The following GPR26 variants were observed in gnomAD, a reference collection of about 807,000 sequenced individuals.
The protein encoded by GPR26 is G protein-coupled receptor 26.
Under a neutral mutation model 23.1 loss-of-function variants are expected in GPR26, and 15 were observed. The ratio of observed to expected loss-of-function variants is 0.65; its 90% CI spans 0.43 to 1.00. GPR26 has a LOEUF of 1.00. Among genes scored for constraint, GPR26 ranks in the 50% least tolerant of loss-of-function variants. The pLI is 0.00. For synonymous variants in GPR26, 228 were observed against 222.1 expected (o/e 1.03, Z -0.24); for missense variants, 359 against 470.5 (o/e 0.76, Z 2.19).
At chr10:123,669,435 C>T (rs975479957) in intron 1 of GPR26, among the ~76,000 whole-genome samples, 1 of 152,208 alleles carries the variant, frequency 6.6e-6, no homozygotes, top group African/African-American at 2.4e-5. Flanking sequence ...AGAGCTAGCT[C>T]AGGGGCTGCC....
rs953679854 is a variant in GPR26 at position 123,688,218 on chromosome 10, A to G, written c.*58A>G. 4 of 467,006 alleles carry G rather than the reference A, an allele frequency of 8.6e-6. No homozygotes were observed. Among genetic ancestry groups the G allele is most frequent in the Admixed American group, 4.5e-5 (2 of 44,866 alleles). The allele number at this position is 467,006 out of a possible 1,614,324, so 28.9% of individuals were successfully genotyped here. A position where few individuals can be genotyped will look rare whatever the true frequency, so the allele number is the denominator to read the frequency against. On this transcript the variant is annotated 3_prime_UTR_variant, in exon 3 of 3. Transcript: ENST00000284674. ...AGGCAGCGGTGAGAAGAAGGGTGGG[A>G]GGGCGTGGGGGCCCCTGGGTGGACA...
chr10:123,679,181 G>A (rs1039554817), intron 2 of GPR26, among the ~76,000 whole-genome samples: 1 of 152,206 alleles, frequency 6.6e-6, no homozygotes, highest in Non-Finnish European at 1.5e-5. Flanking sequence ...CCCTTGTGGA[G>A]AATCAAAAGC....
intron 2 of GPR26, among the ~76,000 whole-genome samples, chr10:123,676,046 C>A (rs1845306856): frequency 6.6e-6 from 1 of 152,160 alleles, no homozygotes; most frequent in Non-Finnish European, 1.5e-5. Context: ...TCAGCTGAAG[C>A]ATGATTTGCT....
chr10:123,688,499 A>G lies in GPR26; in HGVS notation c.*339A>G, dbSNP rs1845455277. 3 of 327,926 alleles carry G rather than the reference A, an allele frequency of 9.1e-6. No individual in the cohort carries two copies. The highest frequency in any genetic ancestry group is 1.7e-5 in the Non-Finnish European group (3 of 171,892). The allele number at this position is 327,926 out of a possible 1,614,324, so 20.3% of individuals were successfully genotyped here. On this transcript the variant is annotated 3_prime_UTR_variant, in exon 3 of 3. Transcript: ENST00000284674. ...TGCAGAGAGCTGGTGGTAGGTGGGA[A>G]GCATGGTGTCCACCTGCCTGCTGAC...
chr10:123,674,849 CG>C lies in GPR26; in HGVS notation c.702del (p.Arg235GlyfsTer13). 2 of 1,613,228 alleles carry C rather than the reference CG, an allele frequency of 1.2e-6. No homozygotes were observed. The highest frequency in any genetic ancestry group is 1.7e-6 in the Non-Finnish European group (2 of 1,179,694). On this transcript the variant is annotated frameshift_variant, in exon 2 of 3. Transcript: ENST00000284674. LOFTEE classifies it high-confidence loss of function. This position sits in a 1 kb window ranked among gnomAD's most constrained non-coding sequence, Gnocchi z 4.1. ...GGAACGCTGTCTGGAGGAGCAGAAG[CG>C]GAGGCGACAGCGAGCCACCAAGAAG... ...VRERCLEEQKRRRQRATKKIS... is the reference protein window; with the variant it reads ...VRERCLEEQKXRRQRATKKIS...
intron 2 of GPR26, among the ~76,000 whole-genome samples, chr10:123,678,953 G>A (rs1008458063): frequency 1.3e-5 from 2 of 152,208 alleles, no homozygotes; most frequent in African/African-American, 4.8e-5. Context: ...CCAATTAATG[G>A]TAAGGAATAA....
At chr10:123,675,798 C>CTGTGTGTGTGTG (rs57869785) in intron 2 of GPR26, among the ~76,000 whole-genome samples, 1,452 of 142,584 alleles carry the variant, frequency 0.01, 31 homozygotes, top group African/African-American at 0.029. Flanking sequence ...GCAGGGTTTT[C>CTGTGTGTGTGTG]TGTGTGTGTG....
In GPR26 at chr10:123,696,175, A is replaced by C. The variant is rs1352928858; in HGVS notation, c.*8015A>C. On this transcript the variant is annotated 3_prime_UTR_variant, in exon 3 of 3. Transcript: ENST00000284674. ...TAGTATGTCGTGTGTAGTGGATGCC[A>C]GTAGACAACTTTAGCCACTCCTGTC... 6.6e-6 allele frequency among the ~76,000 whole-genome samples: 1 copy of C among 152,196 alleles called. No homozygotes were observed. The highest frequency in any genetic ancestry group is 1.5e-5 in the Non-Finnish European group (1 of 68,030).
chr10:123,673,184 G>A (rs1845269893), intron 1 of GPR26, among the ~76,000 whole-genome samples: 1 of 152,162 alleles, frequency 6.6e-6, no homozygotes, highest in Non-Finnish European at 1.5e-5. Context: ...AAATGCAAAA[G>A]TCAGGGGGAA....
chr10:123,667,291 GT>G lies in GPR26; in HGVS notation c.668+221del, dbSNP rs1366637416. 3.9e-5 allele frequency among the ~76,000 whole-genome samples: 6 copies of G among 152,290 alleles called. No homozygotes were observed. The East Asian group carries it at 7.7e-4, about 20-fold the overall frequency. Reference sequence around the variant, plus strand: ...TGCGGGTGAGCCCATCTATACATCGGTTTTTGAAGCATCAGGGTAGAAATCA... The same window carrying G: ...TGCGGGTGAGCCCATCTATACATCGGTTTTGAAGCATCAGGGTAGAAATCA... On this transcript the variant is annotated intron_variant, in intron 1 of 2. Transcript: ENST00000284674.
intron 2 of GPR26, among the ~76,000 whole-genome samples, chr10:123,677,827 A>T (rs1175505469): frequency 6.6e-6 from 1 of 152,250 alleles, no homozygotes; most frequent in East Asian, 1.9e-4. Flanking sequence ...GCTGTCCAGC[A>T]CGGGGGCCAC....
chr10:123,675,833 C>CGTGTGTGTGTGTGT (rs56201657), intron 2 of GPR26, among the ~76,000 whole-genome samples: 2,117 of 134,134 alleles, frequency 0.016, 63 homozygotes, highest in East Asian at 0.039. Flanking sequence ...TGTGTGTGTA[C>CGTGTGTGTGTGTGT]GTGTGTGTGT....
chr10:123,681,254 T>C (rs150029137), intron 2 of GPR26, among the ~76,000 whole-genome samples: 2,175 of 152,190 alleles, frequency 0.014, 27 homozygotes, highest in South Asian at 0.075. Flanking sequence ...CCGGCGGCCG[T>C]GCCCAGCCCC....
At chr10:123,675,356 C>T (rs1845292226) in intron 2 of GPR26, among the ~76,000 whole-genome samples, 1 of 152,184 alleles carries the variant, frequency 6.6e-6, no homozygotes, top group Non-Finnish European at 1.5e-5. Flanking sequence ...CCTGAACACC[C>T]AGGTCAACAG....
At chr10:123,672,477 C>T (rs1319624700) in intron 1 of GPR26, among the ~76,000 whole-genome samples, 1 of 152,134 alleles carries the variant, frequency 6.6e-6, no homozygotes, top group Non-Finnish European at 1.5e-5. Context: ...TCCACCAGGT[C>T]CCTGGAGGCC....
chr10:123,687,656 G>A (rs1342759164), intron 2 of GPR26, among the ~76,000 whole-genome samples: 3 of 27,808 alleles, frequency 1.1e-4, no homozygotes, highest in African/African-American at 3.6e-4. Context: ...TTCCTTGCAT[G>A]TAAAACAGAG....
intron 2 of GPR26, among the ~76,000 whole-genome samples, chr10:123,675,816 G>GTGTGTGTGTA: frequency 1.8e-5 from 1 of 55,196 alleles, no homozygotes; most frequent in African/African-American, 5.1e-5. Context: ...GTGTGTGTGT[G>GTGTGTGTGTA]TACGTGTGTG....
intron 2 of GPR26, among the ~76,000 whole-genome samples, chr10:123,679,201 T>C (rs1053738066): frequency 1.3e-5 from 2 of 152,208 alleles, no homozygotes; most frequent in African/African-American, 4.8e-5. Context: ...CCATGGGTTT[T>C]GGAGGCAAAG....
chr10:123,670,887 C>T (rs757105248), intron 1 of GPR26, among the ~76,000 whole-genome samples: 8 of 152,158 alleles, frequency 5.3e-5, no homozygotes, highest in Non-Finnish European at 1.2e-4. Context: ...AATGGAAAGT[C>T]GGGGCTGTAG....
Sources: gnomAD v4.1 joint callset for allele counts (sites outside exome capture counted in the v4.1 genomes callset) on GRCh38, gnomAD v4.1.1 for gene constraint, Gnocchi (gnomAD v3.1) non-coding constraint, MANE v1.5 for transcripts, NCBI Gene and HGNC (gene_info 2026-07-23, HGNC 2026-07-21) for gene names.